UBA5: variants seen among roughly 807,000 people sequenced by gnomAD.
UBA5 encodes ubiquitin like modifier activating enzyme 5.
UBA5 carries 28 observed loss-of-function variants against 52.9 expected under a neutral mutation model. The ratio of observed to expected loss-of-function variants is 0.53; its 90% confidence interval spans 0.39 to 0.73. The LOEUF (loss-of-function observed/expected upper bound fraction) is 0.73, where lower values mean the gene tolerates loss of function less well. UBA5 is among the 30% of genes least tolerant of loss of function. The probability of loss-of-function intolerance (pLI) is 0.00; values close to 1 mark genes in which losing one functional copy is unlikely to be tolerated. For missense variants in UBA5, 388 were observed against 492.7 expected, an observed-to-expected ratio of 0.79 and a Z score of 2.01; for synonymous variants, 135 against 162.1, an observed-to-expected ratio of 0.83 and a Z score of 1.27.
At chr3:132,664,123 A>G (rs1464375276) in intron 1 of UBA5, among the ~76,000 whole-genome samples, 3 of 152,184 alleles carry the variant, frequency 2.0e-5, no homozygotes, top group African/African-American at 7.2e-5. Flanking sequence ...CAGATTCTTC[A>G]AGGACATTTC....
In UBA5 at chr3:132,675,816, G is replaced by C; in HGVS notation, c.1025-1G>C. 6.2e-7 allele frequency: 1 copy of C among 1,604,304 alleles called. No homozygotes were observed. The highest frequency in any genetic ancestry group is 8.5e-7 in the Non-Finnish European group (1 of 1,175,786). ...AAACTGACATAGGATCAAATTTACA[G>C]GTATTGAGCTGGTATCTGAGGTTTC... On this transcript the variant is annotated splice_acceptor_variant, in intron 10 of 11. Coordinates refer to ENST00000356232, the MANE Select transcript of UBA5 (RefSeq NM_024818.6). LOFTEE classifies it high-confidence loss of function.
chr3:132,672,031 T>G lies in UBA5; in HGVS notation c.685-19T>G, dbSNP rs193021807. 2.5e-6 allele frequency: 4 copies of G among 1,609,992 alleles called. No homozygotes were observed. In the African/African-American group the frequency reaches 5.4e-5, roughly 22 times the overall value. ...ACTTTTTCTCTTTTTTTTTGAAATGTGTTTTATTTTTCATGTAGTGTGCTC... is the reference window on the plus strand; with the variant it reads ...ACTTTTTCTCTTTTTTTTTGAAATGGGTTTTATTTTTCATGTAGTGTGCTC... On this transcript the variant is annotated intron_variant, in intron 7 of 11. Transcript: ENST00000356232.
upstream of UBA5, among the ~76,000 whole-genome samples, chr3:132,658,107 C>T (rs948738429): frequency 2.6e-5 from 4 of 152,134 alleles, no homozygotes; most frequent in East Asian, 1.9e-4. Context: ...AAGTGATCCA[C>T]GTGCCTCGGC....
In UBA5 at chr3:132,679,083, C is replaced by A. The variant is rs1938947658; in HGVS notation, c.*2557C>A. ...AGGAGTTCGAGACCAGCCTGACCAA[C>A]ATGGCAAAACCCCGTCTCTACTAAA... On this transcript the variant is annotated 3_prime_UTR_variant, in exon 12 of 12. Coordinates refer to ENST00000356232, the MANE Select transcript of UBA5 (RefSeq NM_024818.6). Among the ~76,000 whole-genome samples, 1 of 151,856 alleles carries A rather than the reference C, an allele frequency of 6.6e-6. No individual in the cohort carries two copies. Among genetic ancestry groups the A allele is most frequent in the Admixed American group, 6.6e-5 (1 of 15,248 alleles).
chr3:132,657,927 A>G (rs1248283002), upstream of UBA5, among the ~76,000 whole-genome samples: 1 of 144,344 alleles, frequency 6.9e-6, no homozygotes, highest in East Asian at 2.0e-4. Context: ...TGGTGGTGCA[A>G]TCTTGGCTCA....
intron 8 of UBA5, among the ~76,000 whole-genome samples, chr3:132,672,851 A>G (rs1938664494): frequency 6.6e-6 from 1 of 152,224 alleles, no homozygotes; most frequent in African/African-American, 2.4e-5. Context: ...TGCTGCTGAA[A>G]TTTATGTCAC....
intron 11 of UBA5, 37 bp downstream of exon 11, chr3:132,675,960 CAT>C (rs763606373): frequency 7.8e-7 from 1 of 1,280,230 alleles, no homozygotes; most frequent in East Asian, 2.4e-5. Flanking sequence ...ATGTAAATAT[CAT>C]ATAAAATATT....
At chr3:132,662,691 G>A (rs957302569) in intron 1 of UBA5, among the ~76,000 whole-genome samples, 5 of 152,242 alleles carry the variant, frequency 3.3e-5, no homozygotes, top group South Asian at 2.1e-4. Context: ...ACAAGTAACC[G>A]TAAAATTATG....
rs1376547389 is a variant in UBA5, at chr3:132,676,225, A to T, written c.1132-218A>T. Among the ~76,000 whole-genome samples the T allele has an allele frequency of 6.6e-6, 1 of 152,142 alleles. No individual in the cohort carries two copies. Reference sequence around the variant, plus strand: ...GCTACGATGTCGTTTAAAAAGCTAGAGCTGTCAAGAATATTGAAATTACTG... The same window carrying T: ...GCTACGATGTCGTTTAAAAAGCTAGTGCTGTCAAGAATATTGAAATTACTG... On this transcript the variant is annotated intron_variant, in intron 11 of 11. Transcript: ENST00000356232. This position sits in a 1 kb window ranked among gnomAD's most constrained non-coding sequence, Gnocchi z 4.1.
chr3:132,663,408 TGAAG>T (rs1938248350), intron 1 of UBA5, among the ~76,000 whole-genome samples: 1 of 152,322 alleles, frequency 6.6e-6, no homozygotes, highest in South Asian at 2.1e-4. Context: ...TCTTTGTACC[TGAAG>T]GAAGGGGTAA....
chr3:132,669,688 T>G (rs944983764), intron 4 of UBA5, among the ~76,000 whole-genome samples: 1 of 152,222 alleles, frequency 6.6e-6, no homozygotes, highest in Non-Finnish European at 1.5e-5. Flanking sequence ...ATTTGGCCCA[T>G]GGGCCACAGT....
intron 8 of UBA5, among the ~76,000 whole-genome samples, chr3:132,674,839 A>G (rs55866713): frequency 0.028 from 4,206 of 152,344 alleles, 62 homozygotes; most frequent in Non-Finnish European, 0.029. Flanking sequence ...TAAGTTACAT[A>G]CAAAATGTTA....
chr3:132,660,734 G>A lies in UBA5; in HGVS notation c.161+36G>A, dbSNP rs925511402. ...TCGCCGGTCGGAGGCAGGCGCGGGG[G>A]ACGAGGTCAGGCTCCGTGAGGTCAG... On this transcript the variant is annotated intron_variant, in intron 1 of 11. Coordinates refer to ENST00000356232, the MANE Select transcript of UBA5 (RefSeq NM_024818.6). This position sits in a 1 kb window ranked among gnomAD's most constrained non-coding sequence, Gnocchi z 4.1. The A allele has an allele frequency of 3.3e-6, 5 of 1,503,812 alleles. No individual in the cohort carries two copies. The East Asian group carries it at 7.4e-5, about 22-fold the overall frequency. The allele number at this position is 1,503,812 out of a possible 1,614,324, so 93.2% of individuals were successfully genotyped here.
rs1373161006 is a variant in UBA5, at chr3:132,676,370, T to C, written c.1132-73T>C. 16 of 1,204,974 alleles carry C rather than the reference T, an allele frequency of 1.3e-5. No individual in the cohort carries two copies. The highest frequency in any genetic ancestry group is 1.9e-4 in the Middle Eastern group (1 of 5,266). The allele number at this position is 1,204,974 out of a possible 1,614,324, so 74.6% of individuals were successfully genotyped here. A position where few individuals can be genotyped will look rare whatever the true frequency, so the allele number is the denominator to read the frequency against. Reference sequence around the variant, plus strand: ...CTTGTTGAGCATGGTCAAAACTTGCTGATTATATATTCCTAAGCATCAAGA... The same window carrying C: ...CTTGTTGAGCATGGTCAAAACTTGCCGATTATATATTCCTAAGCATCAAGA... On this transcript the variant is annotated intron_variant, in intron 11 of 11. Coordinates refer to ENST00000356232, the MANE Select transcript of UBA5 (RefSeq NM_024818.6). The surrounding 1 kb of genome is among the most constrained non-coding windows in gnomAD (Gnocchi z 4.1).
chr3:132,670,888 G>A, intron 5 of UBA5, 77 bp from the exon 6 acceptor site: 1 of 956,046 alleles, frequency 1.0e-6, no homozygotes, highest in Non-Finnish European at 1.7e-6. Context: ...AATAAGTGTT[G>A]GACTGAACAA....
chr3:132,678,083 A>G lies in UBA5; in HGVS notation c.*1557A>G, dbSNP rs1480967697. 2 of 152,220 alleles carry G rather than the reference A, an allele frequency of 1.3e-5. No individual in the cohort carries two copies. Among genetic ancestry groups the G allele is most frequent in the African/African-American group, 4.8e-5 (2 of 41,454 alleles). 9.4% of individuals were successfully genotyped at this position (152,220 alleles called of 1,614,324 possible). On this transcript the variant is annotated 3_prime_UTR_variant, in exon 12 of 12. Coordinates refer to ENST00000356232, the MANE Select transcript of UBA5 (RefSeq NM_024818.6). Reference sequence around the variant, plus strand: ...TAGTAAGGTTTTATAAAATTTTACAATTTGATAAAGTATCACATCTAGAAT... The same window carrying G: ...TAGTAAGGTTTTATAAAATTTTACAGTTTGATAAAGTATCACATCTAGAAT...
Position 132,675,367 on chromosome 3 carries a change from A to G in UBA5, c.932A>G (p.Gln311Arg). 1 of 1,613,708 alleles carries G rather than the reference A, an allele frequency of 6.2e-7. No individual in the cohort carries two copies. The highest frequency in any genetic ancestry group is 8.5e-7 in the Non-Finnish European group (1 of 1,179,782). The part of the protein sequence containing the change: ...PQCDDRNCRK[Q>R]QEEYKKKVAA... Reference sequence around the variant, plus strand: ...TGTGATGACAGAAATTGCAGGAAGCAGCAGGAGGAATATAAGGTATATGAC... The same window carrying G: ...TGTGATGACAGAAATTGCAGGAAGCGGCAGGAGGAATATAAGGTATATGAC... The change falls in exon 9 of 12, where the codon CAG becomes CGG. Residue 311 changes from glutamine (Q) to arginine (R), a missense_variant. Coordinates refer to ENST00000356232, the MANE Select transcript of UBA5 (RefSeq NM_024818.6).
intron 1 of UBA5, among the ~76,000 whole-genome samples, chr3:132,662,955 A>C (rs1938228400): frequency 6.6e-6 from 1 of 152,168 alleles, no homozygotes; most frequent in African/African-American, 2.4e-5. Context: ...ATCTGCCATC[A>C]CTTTCTACCC....
upstream of UBA5, among the ~76,000 whole-genome samples, chr3:132,657,168 AAG>A (rs775417992): frequency 9.9e-5 from 15 of 152,190 alleles, no homozygotes; most frequent in Non-Finnish European, 1.8e-4. Flanking sequence ...GTGTGAGATA[AAG>A]AGTCTAATTT....
Sources: gnomAD v4.1 joint callset for allele counts (sites outside exome capture counted in the v4.1 genomes callset) on GRCh38, gnomAD v4.1.1 for gene constraint, Gnocchi (gnomAD v3.1) non-coding constraint, MANE v1.5 for transcripts, NCBI Gene and HGNC (gene_info 2026-07-23, HGNC 2026-07-21) for gene names.